Variants in KHDC1 observed in about 807,000 individuals in gnomAD.
KHDC1 encodes KH homology domain-containing protein 1.
Under a neutral mutation model 24.7 loss-of-function variants are expected in KHDC1, and 21 were observed. The observed-to-expected ratio is 0.85, with a 90% CI of 0.60 to 1.23. The LOEUF is 1.23. Among genes scored for constraint, KHDC1 ranks in the 50% most tolerant of loss-of-function variants. KHDC1 has a pLI of 0.00. For synonymous variants in KHDC1, 98 were observed against 111.7 expected (o/e 0.88, Z 0.77); for missense variants, 274 against 298.5 (o/e 0.92, Z 0.61).
chr6:73,299,881 G>A (rs1349973439), intron 1 of KHDC1: 1 of 152,382 alleles, frequency 6.6e-6, no homozygotes, highest in Non-Finnish European at 1.5e-5. Context: ...GTAAGGAGGG[G>A]ATTCTTTTCC....
At chr6:73,290,928 T>C in intron 2 of KHDC1, 1 of 364,886 alleles carries the variant, frequency 2.7e-6, no homozygotes, top group Non-Finnish European at 5.3e-6. Flanking sequence ...CTGAGTCTAA[T>C]GTAGTGGATG....
chr6:73,247,366 T>G (rs191851716), intron 2 of KHDC1, among the ~76,000 whole-genome samples: 50 of 152,286 alleles, frequency 3.3e-4, no homozygotes, highest in African/African-American at 1.1e-3. Flanking sequence ...ATTTCAAGAT[T>G]TGGGGCAAGT....
At chr6:73,269,975 C>G (rs1767151367) in intron 2 of KHDC1, 1 of 152,074 alleles carries the variant, frequency 6.6e-6, no homozygotes, top group South Asian at 2.1e-4. Context: ...AAGGTCTCAC[C>G]ATCTTGCCCA....
intron 2 of KHDC1, among the ~76,000 whole-genome samples, chr6:73,272,403 G>T (rs1463144480): frequency 6.6e-6 from 1 of 151,768 alleles, no homozygotes; most frequent in Admixed American, 6.6e-5. Context: ...CCAAAGTGCT[G>T]GGATTACAGG....
At chr6:73,280,514 CTTT>C (rs55832102) in intron 2 of KHDC1, among the ~76,000 whole-genome samples, 4,799 of 117,408 alleles carry the variant, frequency 0.041, 182 homozygotes, top group African/African-American at 0.1. Flanking sequence ...TCTTTAATTT[CTTT>C]TTTTTTTTTT....
chr6:73,247,809 T>C (rs546708573), intron 2 of KHDC1, among the ~76,000 whole-genome samples: 14 of 145,768 alleles, frequency 9.6e-5, no homozygotes, highest in Non-Finnish European at 1.5e-4. Flanking sequence ...TGAGTGGACA[T>C]TGCACCACTG....
In KHDC1 at chr6:73,292,851, T is replaced by G. The variant is rs945229178; in HGVS notation, c.164-811A>C. 1.1e-5 allele frequency: 8 copies of G among 715,904 alleles called. 1 individual carries two copies. The highest frequency in any genetic ancestry group is 7.0e-5 in the African/African-American group (4 of 57,438). The allele number at this position is 715,904 out of a possible 1,614,324, so 44.3% of individuals were successfully genotyped here. Reference sequence around the variant, plus strand: ...TTTGTTGAATGCTTATAGATTAACTTTGACTTAGATGGGGCTAAGAAAAAG... The same window carrying G: ...TTTGTTGAATGCTTATAGATTAACTGTGACTTAGATGGGGCTAAGAAAAAG... On this transcript the variant is annotated intron_variant, in intron 1 of 4. Coordinates refer to ENST00000370384, the Ensembl canonical transcript of KHDC1.
At chr6:73,249,232 G>A (rs1766732260) in intron 2 of KHDC1, among the ~76,000 whole-genome samples, 1 of 151,998 alleles carries the variant, frequency 6.6e-6, no homozygotes, top group Admixed American at 6.6e-5. Context: ...GGTGTGCTAT[G>A]ATCATGCCAT....
chr6:73,284,940 G>A (rs1294167223), intron 2 of KHDC1, among the ~76,000 whole-genome samples: 1 of 152,066 alleles, frequency 6.6e-6, no homozygotes, highest in African/African-American at 2.4e-5. Context: ...TGCCTCCTGG[G>A]TTCAAGCGAT....
At chr6:73,250,232 C>T (rs912099604) in intron 2 of KHDC1, among the ~76,000 whole-genome samples, 7 of 152,212 alleles carry the variant, frequency 4.6e-5, no homozygotes, top group African/African-American at 1.4e-4. Flanking sequence ...GACACTAACT[C>T]CTAACATCAA....
chr6:73,264,163 C>T (rs1464215025), intron 2 of KHDC1, among the ~76,000 whole-genome samples: 3 of 152,144 alleles, frequency 2.0e-5, no homozygotes, highest in African/African-American at 7.2e-5. Context: ...CACGCCACTG[C>T]ATTCCAGCCT....
At chr6:73,308,123 G>A (rs1431033107) in intron 1 of KHDC1, among the ~76,000 whole-genome samples, 1 of 140,882 alleles carries the variant, frequency 7.1e-6, no homozygotes, top group Non-Finnish European at 1.5e-5. Flanking sequence ...TGCCCAGACT[G>A]GAGTGCAGTG....
intron 2 of KHDC1, among the ~76,000 whole-genome samples, chr6:73,246,764 G>A (rs552694408): frequency 6.6e-6 from 1 of 151,782 alleles, no homozygotes; most frequent in South Asian, 2.1e-4. Context: ...TCTCAGCTTG[G>A]TAACCAAACA....
intron 1 of KHDC1, among the ~76,000 whole-genome samples, chr6:73,294,418 T>G: frequency 6.6e-6 from 1 of 152,168 alleles, no homozygotes; most frequent in East Asian, 1.9e-4. Flanking sequence ...TGATACATAT[T>G]TGTGGAATAA....
intron 2 of KHDC1, among the ~76,000 whole-genome samples, chr6:73,284,259 A>G (rs1767476291): frequency 6.6e-6 from 1 of 152,224 alleles, no homozygotes. Context: ...ATAGGTTACA[A>G]GATTTGTGAC....
chr6:73,252,067 C>T (rs114492061), intron 2 of KHDC1, among the ~76,000 whole-genome samples: 1,555 of 147,872 alleles, frequency 0.011, 20 homozygotes, highest in African/African-American at 0.037. Flanking sequence ...TTCTGAAACA[C>T]GGTCTCACCC....
chr6:73,297,147 C>T (rs1767772788), intron 1 of KHDC1, among the ~76,000 whole-genome samples: 1 of 152,096 alleles, frequency 6.6e-6, no homozygotes, highest in Non-Finnish European at 1.5e-5. Context: ...GTGATAGGCC[C>T]ACCTCGGCCT....
chr6:73,292,924 T>C, intron 1 of KHDC1: 1 of 827,332 alleles, frequency 1.2e-6, no homozygotes, highest in African/African-American at 1.7e-5. Context: ...TGGTGGCTTG[T>C]CTTAAGGATT....
At chr6:73,265,361 C>T (rs1767060067) in intron 2 of KHDC1, among the ~76,000 whole-genome samples, 1 of 151,946 alleles carries the variant, frequency 6.6e-6, no homozygotes, top group Admixed American at 6.6e-5. Context: ...GAAACCCCAT[C>T]TCTACAAAAA....
Sources: gnomAD v4.1 joint callset for allele counts (sites outside exome capture counted in the v4.1 genomes callset) on GRCh38, gnomAD v4.1.1 for gene constraint, MANE v1.5 for transcripts, NCBI Gene and HGNC (gene_info 2026-07-23, HGNC 2026-07-21) for gene names.